TET2: variants seen among roughly 807,000 people sequenced by gnomAD.
TET2 encodes the protein methylcytosine dioxygenase TET2.
Under a neutral mutation model 142.9 loss-of-function variants are expected in TET2, and 299 were observed. The observed-to-expected ratio is 2.09, with a 90% confidence interval of 1.90 to 2.30. TET2 has a LOEUF of 2.30. Among genes scored for constraint, TET2 ranks in the 30% most tolerant of loss-of-function variants. TET2 has a pLI of 0.00. For missense variants in TET2, 2,418 were observed against 2,378.0 expected, an observed-to-expected ratio of 1.02 and a Z score of -0.35; for synonymous variants, 819 against 849.0, an observed-to-expected ratio of 0.96 and a Z score of 0.61.
chr4:105,259,707 T>C lies in TET2; in HGVS notation c.3892T>C (p.Cys1298Arg). Residue 1298 changes from cysteine (C) to arginine (R), a missense_variant, in exon 7 of 11, where the codon TGT becomes CGT. By Grantham distance (180) the Cys-to-Arg change is radical (BLOSUM62 -3). Transcript: ENST00000380013. ...TTCATGGAGCATGTACTACAATGGATGTAAGTTTGCCAGAAGCAAGATCCC... is the reference window on the plus strand; with the variant it reads ...TTCATGGAGCATGTACTACAATGGACGTAAGTTTGCCAGAAGCAAGATCCC... Reference protein sequence around the residue: ...GCSWSMYYNGCKFARSKIPRK... With the variant: ...GCSWSMYYNGRKFARSKIPRK... The C allele has an allele frequency of 6.4e-7, 1 of 1,551,180 alleles. No homozygotes were observed. The highest frequency in any genetic ancestry group is 8.7e-7 in the Non-Finnish European group (1 of 1,146,620).
chr4:105,158,907 G>C (rs908604962), intron 1 of TET2, among the ~76,000 whole-genome samples: 1 of 152,040 alleles, frequency 6.6e-6, no homozygotes, highest in Non-Finnish European at 1.5e-5. Flanking sequence ...AAAATAGTAG[G>C]CTTCTCTTTG....
At chr4:105,252,633 CAG>C (rs560003558) in intron 6 of TET2, among the ~76,000 whole-genome samples, 96 of 152,226 alleles carry the variant, frequency 6.3e-4, no homozygotes, top group Admixed American at 9.2e-4. Flanking sequence ...GCAGAACAAA[CAG>C]AAAGTTTTAA....
At chr4:105,212,512 C>CA (rs1727230083) in intron 2 of TET2, among the ~76,000 whole-genome samples, 1 of 152,058 alleles carries the variant, frequency 6.6e-6, no homozygotes, top group Non-Finnish European at 1.5e-5. Context: ...CACATATATA[C>CA]ATGCCTTAAA....
chr4:105,248,856 T>C (rs1729715677), intron 6 of TET2, among the ~76,000 whole-genome samples: 1 of 152,112 alleles, frequency 6.6e-6, no homozygotes, highest in Admixed American at 6.5e-5. Context: ...AAATAAACAT[T>C]CAGTTTCTCT....
At chr4:105,237,422 A>AT (rs770972152) in intron 3 of TET2, 71 bp downstream of exon 3, 3 of 1,613,746 alleles carry the variant, frequency 1.9e-6, no homozygotes, top group Non-Finnish European at 2.5e-6. Context: ...CAGATATGGG[A>AT]TTTTCCTTCT....
intron 2 of TET2, among the ~76,000 whole-genome samples, chr4:105,216,636 C>A (rs980069506): frequency 6.6e-6 from 1 of 151,826 alleles, no homozygotes; most frequent in Non-Finnish European, 1.5e-5. Flanking sequence ...AATGATTTGC[C>A]ACAGGTTAAA....
intron 2 of TET2, among the ~76,000 whole-genome samples, chr4:105,221,462 T>A (rs1727813376): frequency 6.6e-6 from 1 of 152,132 alleles, no homozygotes; most frequent in Non-Finnish European, 1.5e-5. Context: ...ATTATTAAAT[T>A]TTGTTTATAC....
chr4:105,268,331 G>T (rs1386232079), intron 8 of TET2, among the ~76,000 whole-genome samples: 1 of 151,490 alleles, frequency 6.6e-6, no homozygotes, highest in Non-Finnish European at 1.5e-5. Context: ...ACATACATTT[G>T]ACAAAAATGT....
At chr4:105,149,179 T>C (rs2110340687) in intron 1 of TET2, among the ~76,000 whole-genome samples, 1 of 152,334 alleles carries the variant, frequency 6.6e-6, no homozygotes, top group East Asian at 1.9e-4. Flanking sequence ...TAATATTTAC[T>C]TTTTGGGGAC....
At chr4:105,209,340 C>A (rs1278386262) in intron 2 of TET2, among the ~76,000 whole-genome samples, 1 of 151,734 alleles carries the variant, frequency 6.6e-6, no homozygotes, top group Non-Finnish European at 1.5e-5. Flanking sequence ...GAATTTCCAT[C>A]CAAATAGGGA....
intron 6 of TET2, among the ~76,000 whole-genome samples, chr4:105,256,799 T>A (rs1468631730): frequency 6.6e-6 from 1 of 152,166 alleles, no homozygotes; most frequent in East Asian, 1.9e-4. Flanking sequence ...TCAGACTGAA[T>A]AATCTCAATT....
At chr4:105,192,803 T>A (rs1475927551) in intron 2 of TET2, among the ~76,000 whole-genome samples, 1 of 152,108 alleles carries the variant, frequency 6.6e-6, no homozygotes, top group African/African-American at 2.4e-5. Context: ...TTTAAAAATG[T>A]AAAGCAGAAA....
At position 105,234,773 on chromosome 4, in the gene TET2, A is replaced by C. The variant is rs776467845; in HGVS notation, c.831A>C (p.Ala277=). 1.7e-5 allele frequency: 28 copies of C among 1,613,816 alleles called. No individual in the cohort carries two copies. In the African/African-American group the frequency reaches 2.4e-4, roughly 14 times the overall value. ...PSHTSGQINS[A]QTSNSELPPK... is the part of the protein sequence containing the mutation. ...ATACCTCAGGGCAGATCAATTCCGCACAGACCTCTAACTCTGAGCTGCCTC... is the reference window on the plus strand; with the variant it reads ...ATACCTCAGGGCAGATCAATTCCGCCCAGACCTCTAACTCTGAGCTGCCTC... Residue 277 remains alanine (A), a synonymous_variant, in exon 3 of 11, where the codon GCA becomes GCC. Transcript: ENST00000380013.
chr4:105,193,243 A>G (rs1725891089), intron 2 of TET2, among the ~76,000 whole-genome samples: 1 of 152,116 alleles, frequency 6.6e-6, no homozygotes, highest in Non-Finnish European at 1.5e-5. Flanking sequence ...AACAGCATGA[A>G]ATGGAGTGAA....
chr4:105,168,063 A>G (rs1257968134), intron 1 of TET2, among the ~76,000 whole-genome samples: 1 of 152,158 alleles, frequency 6.6e-6, no homozygotes, highest in African/African-American at 2.4e-5. Flanking sequence ...TTCATGTGTT[A>G]CTTTGAAAAG....
intron 1 of TET2, among the ~76,000 whole-genome samples, chr4:105,189,454 T>G (rs1725656891): frequency 6.6e-6 from 1 of 152,212 alleles, no homozygotes; most frequent in African/African-American, 2.4e-5. Context: ...TTCCAAAGTC[T>G]TCTTGTGCTC....
chr4:105,165,408 G>A (rs1370031831), intron 1 of TET2, among the ~76,000 whole-genome samples: 3 of 152,090 alleles, frequency 2.0e-5, no homozygotes, highest in Non-Finnish European at 4.4e-5. Context: ...AATTGTCTTG[G>A]TGTGCTAATC....
At chr4:105,242,633 C>G in intron 4 of TET2, 1 of 1,334,648 alleles carries the variant, frequency 7.5e-7, no homozygotes, top group Non-Finnish European at 9.6e-7. Flanking sequence ...ATTATCTGTA[C>G]ATTTTGATAT....
At chr4:105,214,611 C>T (rs1249534884) in intron 2 of TET2, among the ~76,000 whole-genome samples, 1 of 151,474 alleles carries the variant, frequency 6.6e-6, no homozygotes, top group Non-Finnish European at 1.5e-5. Context: ...ATCTTCCCCA[C>T]CCTTCTGATT....
Sources: allele counts gnomAD v4.1 joint callset (sites outside exome capture counted in the v4.1 genomes callset), GRCh38; gene constraint gnomAD v4.1.1; transcripts MANE v1.5; gene names NCBI Gene and HGNC (gene_info 2026-07-23, HGNC 2026-07-21).